HAPSTR1: variants seen among roughly 807,000 people sequenced by gnomAD.
HAPSTR1 encodes HUWE1-associated protein modifying stress responses 1.
the HAPSTR1 span, chr16:9,110,718 T>C: frequency 6.6e-6 from 1 of 152,266 alleles, no homozygotes; most frequent in Non-Finnish European, 1.5e-5. Context: ...CTAGCACAAA[T>C]GTTTTGGTTA....
At chr16:9,114,188 G>A in the HAPSTR1 span, among the ~76,000 whole-genome samples, 2 of 152,064 alleles carry the variant, frequency 1.3e-5, no homozygotes, top group Non-Finnish European at 2.9e-5. Flanking sequence ...TGATGGTGTT[G>A]AGTTTGAGAT....
chr16:9,106,079 T>G, the HAPSTR1 span: 2 of 152,166 alleles, frequency 1.3e-5, no homozygotes, highest in African/African-American at 2.4e-5. Flanking sequence ...GAACCCAGTT[T>G]AGTGGGAGAG....
the HAPSTR1 span, chr16:9,102,865 G>A: frequency 1.4e-4 from 136 of 967,110 alleles, 3 homozygotes; most frequent in South Asian, 1.3e-3. Context: ...TATTACTGAT[G>A]GGCTCAGAGG....
At chr16:9,113,327 C>T in the HAPSTR1 span, 2 of 152,168 alleles carry the variant, frequency 1.3e-5, no homozygotes, top group Non-Finnish European at 2.9e-5. Flanking sequence ...TCAAGATAAA[C>T]ACCCAGGTCA....
chr16:9,095,041 G>T, the HAPSTR1 span, among the ~76,000 whole-genome samples: 1 of 152,154 alleles, frequency 6.6e-6, no homozygotes, highest in Non-Finnish European at 1.5e-5. Context: ...ACTTAAGGAG[G>T]AACATTAATT....
chr16:9,120,974 G>T, the HAPSTR1 span: 94,164 of 151,904 alleles, frequency 0.62, 29,477 homozygotes, highest in African/African-American at 0.69. Flanking sequence ...GCAGTGGAGT[G>T]TTTTCTTTTT....
chr16:9,106,668 C>G, the HAPSTR1 span: 7 of 152,116 alleles, frequency 4.6e-5, no homozygotes, highest in African/African-American at 1.7e-4. Flanking sequence ...GACACTTGTT[C>G]GCAACATGTT....
the HAPSTR1 span, chr16:9,119,225 T>C: frequency 6.6e-6 from 1 of 152,282 alleles, no homozygotes; most frequent in African/African-American, 2.4e-5. Flanking sequence ...AGAAGCGTAA[T>C]GATTTCCCTC....
At chr16:9,110,656 C>T in the HAPSTR1 span, 5 of 152,342 alleles carry the variant, frequency 3.3e-5, no homozygotes, top group African/African-American at 1.2e-4. Context: ...TGGTGTCACT[C>T]TTCTACCTCT....
chr16:9,111,080 C>T, the HAPSTR1 span: 1 of 152,182 alleles, frequency 6.6e-6, no homozygotes, highest in African/African-American at 2.4e-5. Context: ...ACGAAAGAAA[C>T]GTCTTGCAGT....
chr16:9,093,059 C>T, the HAPSTR1 span: 4 of 1,489,730 alleles, frequency 2.7e-6, no homozygotes, highest in Admixed American at 3.8e-5. Flanking sequence ...GTCAGGGTGT[C>T]TGCCCTGCGT....
chr16:9,117,066 T>C, the HAPSTR1 span: 1 of 1,078,704 alleles, frequency 9.3e-7, no homozygotes. Flanking sequence ...AAGTTCTAGG[T>C]ATTTATAGTA....
chr16:9,097,240 CTTT>C, the HAPSTR1 span, among the ~76,000 whole-genome samples: 3 of 140,784 alleles, frequency 2.1e-5, no homozygotes, highest in Admixed American at 1.4e-4. Flanking sequence ...GCGCCTGGCT[CTTT>C]TTTTTTTTTT....
At chr16:9,117,145 C>T in the HAPSTR1 span, 6 of 552,566 alleles carry the variant, frequency 1.1e-5, no homozygotes, top group Admixed American at 1.1e-4. Context: ...ATTGTGTAGT[C>T]GTTAGCAAGA....
chr16:9,092,990 A>C, the HAPSTR1 span: 3 of 1,610,062 alleles, frequency 1.9e-6, no homozygotes, highest in Non-Finnish European at 2.5e-6. Context: ...GCCGTCACCA[A>C]TCTCTACAAA....
At chr16:9,108,464 G>C in the HAPSTR1 span, 1 of 152,130 alleles carries the variant, frequency 6.6e-6, no homozygotes, top group Non-Finnish European at 1.5e-5. Flanking sequence ...GGGAATACTG[G>C]CATGAGCCAT....
the HAPSTR1 span, among the ~76,000 whole-genome samples, chr16:9,100,928 T>C: frequency 6.6e-6 from 1 of 152,212 alleles, no homozygotes; most frequent in Admixed American, 6.5e-5. Context: ...TCTGCAGGGC[T>C]GGGCTTACCT....
the HAPSTR1 span, among the ~76,000 whole-genome samples, chr16:9,098,345 A>C: frequency 6.6e-6 from 1 of 152,104 alleles, no homozygotes; most frequent in Non-Finnish European, 1.5e-5. Context: ...CACACACACA[A>C]AATATTATCC....
At chr16:9,095,245 A>G in the HAPSTR1 span, among the ~76,000 whole-genome samples, 1 of 152,288 alleles carries the variant, frequency 6.6e-6, no homozygotes, top group Admixed American at 6.5e-5. Flanking sequence ...TGTGTGGATA[A>G]TACTCTGGAT....
Sources: gnomAD v4.1 joint callset for allele counts (sites outside exome capture counted in the v4.1 genomes callset) on GRCh38, gnomAD v4.1.1 for gene constraint, MANE v1.5 for transcripts, NCBI Gene and HGNC (gene_info 2026-07-23, HGNC 2026-07-21) for gene names.